TMEM232: variants seen among roughly 807,000 people sequenced by gnomAD.
TMEM232 encodes the protein transmembrane protein 232.
In TMEM232, 80 loss-of-function variants were observed where a neutral mutation model predicts 78.8. That is an observed-to-expected ratio of 1.01 (90% CI 0.85 to 1.22). The LOEUF (loss-of-function observed/expected upper bound fraction) is 1.22, where lower values mean the gene tolerates loss of function less well. TMEM232 is among the 50% of genes most tolerant of loss of function. TMEM232 has a pLI of 0.00. For missense variants in TMEM232, 881 were observed against 742.2 expected (o/e 1.19, Z -2.17); for synonymous variants, 297 against 254.3 (o/e 1.17, Z -1.60).
chr5:110,421,983 T>C (rs531730753), intron 13 of TMEM232, among the ~76,000 whole-genome samples: 3 of 152,280 alleles, frequency 2.0e-5, no homozygotes, highest in East Asian at 3.9e-4. Context: ...ATAAAATGTA[T>C]GGGAAATTAA....
chr5:110,481,615 T>C (rs1024289426), intron 12 of TMEM232, among the ~76,000 whole-genome samples: 2 of 152,156 alleles, frequency 1.3e-5, no homozygotes, highest in African/African-American at 4.8e-5. Flanking sequence ...ACATTTTGAC[T>C]CTGAGAAATA....
intron 3 of TMEM232, among the ~76,000 whole-genome samples, chr5:110,641,902 C>A (rs1248427300): frequency 6.6e-6 from 1 of 152,102 alleles, no homozygotes; most frequent in African/African-American, 2.4e-5. Context: ...AGAGAAAGAA[C>A]AGAGTACTTT....
intron 1 of TMEM232, among the ~76,000 whole-genome samples, chr5:110,680,300 G>A (rs867023742): frequency 1.3e-5 from 2 of 151,672 alleles, no homozygotes; most frequent in South Asian, 2.1e-4. Flanking sequence ...GGGAGGCTGA[G>A]GCATGAGAAT....
intron 1 of TMEM232, among the ~76,000 whole-genome samples, chr5:110,669,254 G>C (rs1791037077): frequency 6.6e-6 from 1 of 152,112 alleles, no homozygotes; most frequent in South Asian, 2.1e-4. Flanking sequence ...AAGAAGAAAA[G>C]AGAGAAGAAT....
intron 12 of TMEM232, among the ~76,000 whole-genome samples, chr5:110,467,085 A>T (rs938014277): frequency 5.3e-5 from 8 of 152,162 alleles, no homozygotes; most frequent in African/African-American, 1.9e-4. Context: ...TCAGAAAAAA[A>T]ATTTAAAGAA....
chr5:110,668,864 G>A (rs141220055), intron 1 of TMEM232, among the ~76,000 whole-genome samples: 1,784 of 152,232 alleles, frequency 0.012, 45 homozygotes, highest in African/African-American at 0.04. Flanking sequence ...TGAACAACCT[G>A]CTCCTTAATG....
intron 1 of TMEM232, among the ~76,000 whole-genome samples, chr5:110,708,155 T>C (rs1168839737): frequency 1.3e-5 from 2 of 152,154 alleles, no homozygotes; most frequent in Non-Finnish European, 2.9e-5. Context: ...AAAGGTGACA[T>C]TGTCTTGCAC....
At position 110,568,444 on chromosome 5, in the gene TMEM232, T is replaced by C; in HGVS notation, c.1455+3A>G. The C allele has an allele frequency of 6.5e-7, 1 of 1,537,836 alleles. No individual in the cohort carries two copies. The highest frequency in any genetic ancestry group is 8.8e-7 in the Non-Finnish European group (1 of 1,142,226). On this transcript the variant is annotated splice_donor_region_variant and intron_variant, in intron 11 of 13. Transcript: ENST00000455884. ...ATATTTATTGCCCAGTGTTTTACCT[T>C]ACCTGAGCTATATTGATTGCATTTT...
chr5:110,483,488 C>G (rs1048312365), intron 12 of TMEM232, among the ~76,000 whole-genome samples: 1 of 151,998 alleles, frequency 6.6e-6, no homozygotes, highest in Non-Finnish European at 1.5e-5. Context: ...TCTCAGCAAA[C>G]TATCACAAGG....
intron 1 of TMEM232, among the ~76,000 whole-genome samples, chr5:110,724,300 A>G (rs1797951731): frequency 6.6e-6 from 1 of 152,204 alleles, no homozygotes; most frequent in South Asian, 2.1e-4. Context: ...ACCACACTGT[A>G]GAACAATGAC....
chr5:110,645,790 C>T (rs1451640821), intron 2 of TMEM232, among the ~76,000 whole-genome samples: 1 of 151,452 alleles, frequency 6.6e-6, no homozygotes, highest in African/African-American at 2.4e-5. Flanking sequence ...TCACTTCTTG[C>T]AAATGACATA....
chr5:110,535,744 AT>A (rs1319219097), intron 11 of TMEM232, among the ~76,000 whole-genome samples: 1 of 152,186 alleles, frequency 6.6e-6, no homozygotes, highest in Non-Finnish European at 1.5e-5. Context: ...GACCAAAAAA[AT>A]GATGTCTTCT....
intron 1 of TMEM232, among the ~76,000 whole-genome samples, chr5:110,721,681 A>ATATATATATATATATC (rs1173373099): frequency 7.8e-6 from 1 of 127,968 alleles, no homozygotes; most frequent in African/African-American, 2.8e-5. Context: ...GTGTATATAT[A>ATATATATATATATATC]TATCTGTGTG....
rs1472552531 is a variant in TMEM232 at position 110,424,849 on chromosome 5, C to G, written c.1771G>C (p.Glu591Gln). 4.5e-6 allele frequency: 7 copies of G among 1,549,464 alleles called. No individual in the cohort carries two copies. Among genetic ancestry groups the G allele is most frequent in the Non-Finnish European group, 6.1e-6 (7 of 1,145,948 alleles). ...YPDFFTKADKELAKIIDHHWQ... is the reference protein window; with the variant it reads ...YPDFFTKADKQLAKIIDHHWQ... ...TGATGGTCAATGATTTTTGCCAACT[C>G]TTTATCTGCCTTGGTGAAGAAATCT... Residue 591 changes from glutamate (E) to glutamine (Q), a missense_variant, in exon 13 of 14, where the codon GAG becomes CAG. Glu to Gln is a conservative substitution (Grantham distance 29). Transcript: ENST00000455884.
At chr5:110,483,813 C>T (rs1041828248) in intron 12 of TMEM232, among the ~76,000 whole-genome samples, 17 of 151,962 alleles carry the variant, frequency 1.1e-4, no homozygotes, top group African/African-American at 4.1e-4. Flanking sequence ...TGGGTATATA[C>T]CCCAAAGGAA....
rs377555760 is a variant in TMEM232, at chr5:110,677,522, G to A, written c.-12-10158C>T. On this transcript the variant is annotated intron_variant, in intron 1 of 13. Coordinates refer to ENST00000455884, the MANE Select transcript of TMEM232 (RefSeq NM_001039763.4). ...TCATAATTTAGCAATTATCATTGAA[G>A]TGGGTGATAATCTTTATATTGCAGT... 8.5e-5 allele frequency among the ~76,000 whole-genome samples: 13 copies of A among 152,280 alleles called. 2 individuals are homozygous for A. The highest frequency in any genetic ancestry group is 5.8e-4 in the East Asian group (3 of 5,184).
intron 2 of TMEM232, among the ~76,000 whole-genome samples, chr5:110,734,106 G>A (rs530278462): frequency 1.3e-5 from 2 of 152,308 alleles, no homozygotes; most frequent in African/African-American, 4.8e-5. Context: ...TTCTGCATAA[G>A]CATCATGTTA....
At chr5:110,407,037 A>G (rs1489235213) in intron 2 of TMEM232, among the ~76,000 whole-genome samples, 2 of 152,108 alleles carry the variant, frequency 1.3e-5, no homozygotes, top group Non-Finnish European at 2.9e-5. Context: ...ACTATCAGAG[A>G]TAATAACTAC....
chr5:110,420,686 T>A lies in TMEM232; in HGVS notation c.1868A>T (p.Lys623Met). 2.0e-6 allele frequency: 3 copies of A among 1,527,196 alleles called. No homozygotes were observed. Among genetic ancestry groups the A allele is most frequent in the Non-Finnish European group, 2.6e-6 (3 of 1,144,228 alleles). The allele number at this position is 1,527,196 out of a possible 1,614,324, so 94.6% of individuals were successfully genotyped here. Residue 623 changes from lysine to methionine, a missense_variant, in exon 14 of 14, where the codon AAG (lysine) becomes ATG (methionine). Coordinates refer to ENST00000455884, the MANE Select transcript of TMEM232 (RefSeq NM_001039763.4). ...TTGAAAGTGATTTTTCTCTGCTAAC[T>A]TTTTATCTTTAAGTTCTTGGGCCTT... The part of the protein sequence containing the change: ...ICKAQELKDK[K>M]LAEKNHFQEV...
Sources: allele counts gnomAD v4.1 joint callset (sites outside exome capture counted in the v4.1 genomes callset), GRCh38; gene constraint gnomAD v4.1.1; transcripts MANE v1.5; gene names NCBI Gene and HGNC (gene_info 2026-07-23, HGNC 2026-07-21).